Variants in BTBD9 observed in about 807,000 individuals in gnomAD.
The protein encoded by BTBD9 is BTB domain containing 9, also known as BTB/POZ domain-containing protein 9.
A neutral mutation model predicts 64.3 loss-of-function variants in BTBD9; 49 were observed. The ratio of observed to expected loss-of-function variants is 0.76; its 90% CI spans 0.61 to 0.97. The LOEUF is 0.97. Among genes scored for constraint, BTBD9 ranks in the 50% least tolerant of loss-of-function variants. The probability of loss-of-function intolerance (pLI) is 0.00; values close to 1 mark genes in which losing one functional copy is unlikely to be tolerated. For missense variants in BTBD9, 598 were observed against 762.1 expected (o/e 0.78, Z 2.53); for synonymous variants, 260 against 274.7 (o/e 0.95, Z 0.53).
intron 6 of BTBD9, among the ~76,000 whole-genome samples, chr6:38,540,787 C>T (rs1158093664): frequency 1.3e-5 from 2 of 152,202 alleles, no homozygotes; most frequent in Non-Finnish European, 2.9e-5. Flanking sequence ...TCAGCGGTGC[C>T]TCACTGGAAG....
intron 9 of BTBD9, chr6:38,193,836 G>T (rs1168883345): frequency 2.0e-6 from 2 of 985,372 alleles, no homozygotes; most frequent in Non-Finnish European, 2.4e-6. Flanking sequence ...TTGGTTTCAG[G>T]TGTTCCATCT....
At chr6:38,592,938 T>A in intron 3 of BTBD9, 98 bp from the exon 4 acceptor site, 1 of 1,273,514 alleles carries the variant, frequency 7.9e-7, no homozygotes, top group Non-Finnish European at 1.1e-6. Context: ...CTTAGCCAAT[T>A]AACTCTTTTT....
chr6:38,252,441 C>T (rs1207543884), intron 9 of BTBD9, among the ~76,000 whole-genome samples: 3 of 152,150 alleles, frequency 2.0e-5, no homozygotes, highest in African/African-American at 7.2e-5. Context: ...AAGGGAGGTA[C>T]AATACATTCA....
chr6:38,307,934 G>A (rs1562003704), intron 7 of BTBD9, among the ~76,000 whole-genome samples: 1 of 152,078 alleles, frequency 6.6e-6, no homozygotes, highest in South Asian at 2.1e-4. Flanking sequence ...TTATCCCCAG[G>A]GACAGAAGTG....
At chr6:38,186,906 G>GA (rs1161306716) in intron 10 of BTBD9, among the ~76,000 whole-genome samples, 1 of 151,986 alleles carries the variant, frequency 6.6e-6, no homozygotes, top group Non-Finnish European at 1.5e-5. Flanking sequence ...CCAGCGTACT[G>GA]AAAAAAATCA....
chr6:38,269,358 A>AT (rs576453831), intron 8 of BTBD9, among the ~76,000 whole-genome samples: 62 of 149,438 alleles, frequency 4.1e-4, no homozygotes, highest in Admixed American at 1.0e-3. Flanking sequence ...CATTTTATGT[A>AT]TTTTTTTTTT....
chr6:38,217,120 A>G (rs1456322067), intron 9 of BTBD9, among the ~76,000 whole-genome samples: 2 of 150,166 alleles, frequency 1.3e-5, no homozygotes, highest in Non-Finnish European at 3.0e-5. Flanking sequence ...CATCCTGGCC[A>G]ACATGGTGAA....
At chr6:38,207,687 A>C (rs1428755365) in intron 9 of BTBD9, among the ~76,000 whole-genome samples, 2 of 152,226 alleles carry the variant, frequency 1.3e-5, no homozygotes. Context: ...GAAGGAAAAA[A>C]AAAAGTAAAT....
chr6:38,467,736 C>T (rs1008902766), intron 6 of BTBD9, among the ~76,000 whole-genome samples: 1 of 152,182 alleles, frequency 6.6e-6, no homozygotes, highest in African/African-American at 2.4e-5. Context: ...CTTGACTTCT[C>T]TATTTCTATT....
At chr6:38,480,259 C>T (rs568548057) in intron 6 of BTBD9, among the ~76,000 whole-genome samples, 417 of 152,260 alleles carry the variant, frequency 2.7e-3, no homozygotes, top group Non-Finnish European at 4.3e-3. Flanking sequence ...TCCATAAATA[C>T]GGGGAGCAAT....
rs6937078 is a variant in BTBD9 at position 38,609,186 on chromosome 6, G to A, written c.-27-11065C>T. 2.5e-4 allele frequency among the ~76,000 whole-genome samples: 38 copies of A among 152,200 alleles called. 1 individual carries two copies. The highest frequency in any genetic ancestry group is 6.8e-3 in the Middle Eastern group (2 of 294). On this transcript the variant is annotated intron_variant, in intron 1 of 10. Transcript: ENST00000481247. The stretch of plus-strand genomic sequence containing the variant: ...GAGTTTACAGCCTGGGCAACAAAAT[G>A]AAACCTCATCTCTTCAAAACAAACA...
intron 7 of BTBD9, among the ~76,000 whole-genome samples, chr6:38,315,390 TTTC>T (rs1416605734): frequency 6.6e-6 from 1 of 152,156 alleles, no homozygotes; most frequent in African/African-American, 2.4e-5. Flanking sequence ...ATTTGAAGTT[TTTC>T]TTCTTTTTTT....
intron 7 of BTBD9, among the ~76,000 whole-genome samples, chr6:38,323,092 G>A (rs935252272): frequency 2.6e-5 from 4 of 152,148 alleles, no homozygotes; most frequent in South Asian, 2.1e-4. Context: ...AAAGCTTATC[G>A]AAGTAGTTTA....
chr6:38,609,320 T>C lies in BTBD9; in HGVS notation c.-27-11199A>G, dbSNP rs1312232961. 3.9e-5 allele frequency among the ~76,000 whole-genome samples: 6 copies of C among 152,194 alleles called. No individual in the cohort carries two copies. The East Asian group carries it at 7.7e-4, about 20-fold the overall frequency. ...TGCAAGTCAAGGCTGCAGTGAGCCA[T>C]AATCACACCACTGCACTCCAGCCTG... On this transcript the variant is annotated intron_variant, in intron 1 of 10. Coordinates refer to ENST00000481247, the MANE Select transcript of BTBD9 (RefSeq NM_001099272.2).
chr6:38,297,115 C>A (rs1307108352), intron 7 of BTBD9, among the ~76,000 whole-genome samples: 2 of 152,174 alleles, frequency 1.3e-5, no homozygotes, highest in African/African-American at 4.8e-5. Flanking sequence ...CGCCTGTAAT[C>A]CCAGCACTTT....
chr6:38,454,878 C>T (rs1467677876), intron 6 of BTBD9, among the ~76,000 whole-genome samples: 1 of 150,636 alleles, frequency 6.6e-6, no homozygotes. Context: ...TTAACAAAAG[C>T]TAATATAAAT....
intron 6 of BTBD9, among the ~76,000 whole-genome samples, chr6:38,497,843 G>A (rs775776208): frequency 2.0e-5 from 3 of 152,162 alleles, no homozygotes; most frequent in Non-Finnish European, 2.9e-5. Context: ...AGGCAGAACC[G>A]AAGGTATTAT....
intron 8 of BTBD9, among the ~76,000 whole-genome samples, chr6:38,278,907 A>G (rs2127549410): frequency 6.6e-6 from 1 of 152,330 alleles, no homozygotes; most frequent in South Asian, 2.1e-4. Context: ...GCAAGGAAAG[A>G]AAATCCAGGG....
At chr6:38,453,841 A>G (rs926916990) in intron 6 of BTBD9, among the ~76,000 whole-genome samples, 1 of 152,194 alleles carries the variant, frequency 6.6e-6, no homozygotes, top group Non-Finnish European at 1.5e-5. Flanking sequence ...TTTTGGAAGA[A>G]GACATTGGAA....
Sources: allele counts gnomAD v4.1 joint callset (sites outside exome capture counted in the v4.1 genomes callset), GRCh38; gene constraint gnomAD v4.1.1; transcripts MANE v1.5; gene names NCBI Gene and HGNC (gene_info 2026-07-23, HGNC 2026-07-21).